CDH8: variants seen among roughly 807,000 people sequenced by gnomAD.
CDH8 encodes cadherin 8, also known as cadherin-8.
Under a neutral mutation model 68.1 loss-of-function variants are expected in CDH8, and 17 were observed. The ratio of observed to expected loss-of-function variants is 0.25; its 90% confidence interval spans 0.17 to 0.37. The LOEUF (loss-of-function observed/expected upper bound fraction) is 0.37. Among genes scored for constraint, CDH8 ranks in the 10% least tolerant of loss-of-function variants. The probability of loss-of-function intolerance (pLI) is 1.00; values close to 1 mark genes in which losing one functional copy is unlikely to be tolerated. For synonymous variants in CDH8, 372 were observed against 365.1 expected (o/e 1.02, Z -0.21); for missense variants, 763 against 999.3 (o/e 0.76, Z 3.19).
intron 3 of CDH8, among the ~76,000 whole-genome samples, chr16:61,860,848 CG>C (rs1342904782): frequency 6.6e-6 from 1 of 151,984 alleles, no homozygotes; most frequent in Admixed American, 6.6e-5. Context: ...TCTGAAAAAC[CG>C]TGTTGTTTTA....
chr16:61,927,117 AAGTTATTC>A (rs1441651170), intron 2 of CDH8, among the ~76,000 whole-genome samples: 1 of 152,128 alleles, frequency 6.6e-6, no homozygotes, highest in Non-Finnish European at 1.5e-5. Context: ...ATGGGTTTTG[AAGTTATTC>A]AGTCCTCAAC....
At chr16:61,905,984 G>A (rs1462788512) in intron 2 of CDH8, among the ~76,000 whole-genome samples, 1 of 152,052 alleles carries the variant, frequency 6.6e-6, no homozygotes, top group African/African-American at 2.4e-5. Flanking sequence ...GGGTAAAAAT[G>A]CAGAGATGAG....
chr16:61,916,672 C>T (rs1793932740), intron 2 of CDH8, among the ~76,000 whole-genome samples: 1 of 152,068 alleles, frequency 6.6e-6, no homozygotes, highest in Admixed American at 6.5e-5. Flanking sequence ...GTCAGCACTA[C>T]TAACACAGAT....
intron 4 of CDH8, among the ~76,000 whole-genome samples, chr16:61,832,353 T>C (rs1962476484): frequency 6.6e-6 from 1 of 150,970 alleles, no homozygotes; most frequent in African/African-American, 2.4e-5. Flanking sequence ...GATAGATAGA[T>C]AGATAGATAG....
At chr16:61,880,232 T>C (rs1003623936) in intron 3 of CDH8, among the ~76,000 whole-genome samples, 2 of 152,240 alleles carry the variant, frequency 1.3e-5, no homozygotes, top group Non-Finnish European at 1.5e-5. Context: ...CCATATAATA[T>C]GAAGTTTTAA....
chr16:62,008,859 T>A (rs183142499), intron 2 of CDH8, among the ~76,000 whole-genome samples: 1 of 152,060 alleles, frequency 6.6e-6, no homozygotes, highest in Non-Finnish European at 1.5e-5. Flanking sequence ...TGATTATAAA[T>A]GTTCCTACAA....
intron 10 of CDH8, among the ~76,000 whole-genome samples, chr16:61,696,106 T>G (rs1424470464): frequency 6.6e-6 from 1 of 152,204 alleles, no homozygotes; most frequent in African/African-American, 2.4e-5. Context: ...ATTCGTAACT[T>G]TCTGAGAGCC....
intron 2 of CDH8, among the ~76,000 whole-genome samples, chr16:61,957,083 G>C (rs938879487): frequency 6.6e-6 from 1 of 152,198 alleles, no homozygotes; most frequent in South Asian, 2.1e-4. Flanking sequence ...TAGTAGAAAT[G>C]GTTATATATT....
chr16:61,993,610 A>T (rs1965763243), intron 2 of CDH8, among the ~76,000 whole-genome samples: 1 of 152,232 alleles, frequency 6.6e-6, no homozygotes. Flanking sequence ...AAGAATGTCA[A>T]ATAGTAATAA....
intron 2 of CDH8, among the ~76,000 whole-genome samples, chr16:62,019,946 C>A (rs747202888): frequency 2.0e-5 from 3 of 152,090 alleles, no homozygotes; most frequent in Admixed American, 6.6e-5. Context: ...TTCATTGATA[C>A]GCCTCCTGTG....
At chr16:61,660,583 C>G (rs1963535723) in intron 10 of CDH8, among the ~76,000 whole-genome samples, 1 of 151,768 alleles carries the variant, frequency 6.6e-6, no homozygotes, top group African/African-American at 2.4e-5. Flanking sequence ...GTCTATACAT[C>G]CAGAAAGCTC....
chr16:61,834,784 A>G (rs556503755), intron 4 of CDH8, among the ~76,000 whole-genome samples: 2 of 152,028 alleles, frequency 1.3e-5, no homozygotes, highest in South Asian at 2.1e-4. Context: ...AAATTCTCCT[A>G]TAAGAGTTGA....
chr16:61,743,171 C>T (rs1959921953), intron 8 of CDH8: 1 of 152,072 alleles, frequency 6.6e-6, no homozygotes, highest in Non-Finnish European at 1.5e-5. Context: ...GACTGCCACA[C>T]GTCACACCTC....
At chr16:61,878,334 T>G (rs1200441076) in intron 3 of CDH8, among the ~76,000 whole-genome samples, 1 of 152,194 alleles carries the variant, frequency 6.6e-6, no homozygotes, top group East Asian at 1.9e-4. Context: ...CATACCTACC[T>G]TAAAAGTGGT....
chr16:61,863,770 T>C lies in CDH8; in HGVS notation c.548-6532A>G, dbSNP rs540304683. On this transcript the variant is annotated intron_variant, in intron 3 of 11. Transcript: ENST00000577390. ...ACAATGCACATTCTTGGTCTTCTACTATGCTCTTCAAACTTTTTATTTGAC... is the reference window on the plus strand; with the variant it reads ...ACAATGCACATTCTTGGTCTTCTACCATGCTCTTCAAACTTTTTATTTGAC... 2.0e-5 allele frequency among the ~76,000 whole-genome samples: 3 copies of C among 152,322 alleles called. No homozygotes were observed. In the East Asian group the frequency reaches 5.8e-4, roughly 30 times the overall value.
At chr16:61,800,329 C>T (rs1383310088) in intron 7 of CDH8, among the ~76,000 whole-genome samples, 1 of 152,196 alleles carries the variant, frequency 6.6e-6, no homozygotes, top group African/African-American at 2.4e-5. Flanking sequence ...TACAATTAAA[C>T]AAATGCAAAA....
At chr16:61,871,335 C>A (rs529192463) in intron 3 of CDH8, among the ~76,000 whole-genome samples, 110 of 151,672 alleles carry the variant, frequency 7.3e-4, no homozygotes, top group Middle Eastern at 3.4e-3. Flanking sequence ...TGTGTAATCC[C>A]ACCATGGCAG....
chr16:62,023,821 C>T (rs144679527), intron 1 of CDH8, among the ~76,000 whole-genome samples: 75 of 152,282 alleles, frequency 4.9e-4, no homozygotes, highest in African/African-American at 1.3e-3. Flanking sequence ...AGGGACTTAA[C>T]TCTTTCCAGT....
chr16:61,904,813 T>C (rs1597054980), intron 2 of CDH8, among the ~76,000 whole-genome samples: 2 of 152,194 alleles, frequency 1.3e-5, no homozygotes, highest in East Asian at 3.9e-4. Flanking sequence ...TACAAGCTGC[T>C]GTTTTTTCTG....
Sources: allele counts gnomAD v4.1 joint callset (sites outside exome capture counted in the v4.1 genomes callset), GRCh38; gene constraint gnomAD v4.1.1; transcripts MANE v1.5; gene names NCBI Gene and HGNC (gene_info 2026-07-23, HGNC 2026-07-21).